Variants in PAX5 observed in about 807,000 individuals in gnomAD.
PAX5 encodes paired box 5.
Under a neutral mutation model 43.7 loss-of-function variants are expected in PAX5, and 9 were observed. The observed-to-expected ratio is 0.21, with a 90% CI of 0.12 to 0.36. PAX5 has a LOEUF of 0.36. Among genes scored for constraint, PAX5 ranks in the 10% least tolerant of loss-of-function variants. The pLI is 1.00. For missense variants in PAX5, 383 were observed against 532.7 expected (o/e 0.72, Z 2.77); for synonymous variants, 228 against 214.3 (o/e 1.06, Z -0.56).
chr9:36,991,033 C>A (rs1262686577), intron 5 of PAX5, among the ~76,000 whole-genome samples: 1 of 151,564 alleles, frequency 6.6e-6, no homozygotes, highest in Non-Finnish European at 1.5e-5. Context: ...GGCTTGAGCC[C>A]AGGAGGCAGA....
At chr9:36,855,836 C>T (rs951949676) in intron 8 of PAX5, among the ~76,000 whole-genome samples, 1 of 152,234 alleles carries the variant, frequency 6.6e-6, no homozygotes, top group African/African-American at 2.4e-5. Flanking sequence ...TCATCCCAAA[C>T]ACCACCTTCC....
intron 3 of PAX5, among the ~76,000 whole-genome samples, chr9:37,011,126 A>G (rs2132449124): frequency 6.8e-6 from 1 of 146,090 alleles, no homozygotes; most frequent in East Asian, 2.0e-4. Flanking sequence ...GTCTCAAAAA[A>G]ACAAAAAAAA....
At chr9:36,952,782 G>C (rs551038733) in intron 6 of PAX5, among the ~76,000 whole-genome samples, 52 of 151,968 alleles carry the variant, frequency 3.4e-4, no homozygotes, top group Non-Finnish European at 6.8e-4. Context: ...CTGTCCCTTA[G>C]GACATTGCTG....
chr9:36,977,157 C>T (rs1310676709), intron 5 of PAX5, among the ~76,000 whole-genome samples: 1 of 152,182 alleles, frequency 6.6e-6, no homozygotes, highest in Non-Finnish European at 1.5e-5. Context: ...TCAGAGCTCA[C>T]TCTGCGAGAC....
intron 1 of PAX5, among the ~76,000 whole-genome samples, chr9:37,023,906 T>C (rs1030152930): frequency 6.6e-6 from 1 of 152,184 alleles, no homozygotes; most frequent in Non-Finnish European, 1.5e-5. Flanking sequence ...GACATATACA[T>C]GGTTAGACTA....
chr9:36,963,973 G>A (rs1250862135), intron 6 of PAX5, among the ~76,000 whole-genome samples: 1 of 152,172 alleles, frequency 6.6e-6, no homozygotes, highest in African/African-American at 2.4e-5. Context: ...ACATGATCTT[G>A]TCAGCCATTA....
intron 7 of PAX5, among the ~76,000 whole-genome samples, chr9:36,920,809 T>C (rs7847355): frequency 1.9e-4 from 24 of 126,958 alleles, no homozygotes; most frequent in South Asian, 2.6e-4. Flanking sequence ...ATAGCTTTTT[T>C]TTTTTTTTTT....
chr9:36,942,874 C>G (rs1391559855), intron 6 of PAX5, among the ~76,000 whole-genome samples: 1 of 152,224 alleles, frequency 6.6e-6, no homozygotes, highest in Non-Finnish European at 1.5e-5. Context: ...CATGAAAGGG[C>G]AGGGCCTGGT....
chr9:36,939,285 C>A (rs1226448524), intron 6 of PAX5, among the ~76,000 whole-genome samples: 2 of 152,120 alleles, frequency 1.3e-5, no homozygotes, highest in Admixed American at 1.3e-4. Flanking sequence ...TGTGGGTGAT[C>A]CTCAGAGACC....
At chr9:36,926,468 A>C (rs1830646696) in intron 6 of PAX5, among the ~76,000 whole-genome samples, 1 of 152,242 alleles carries the variant, frequency 6.6e-6, no homozygotes, top group Non-Finnish European at 1.5e-5. Flanking sequence ...CATTCCATGC[A>C]GCAAGAGCTA....
intron 5 of PAX5, among the ~76,000 whole-genome samples, chr9:36,980,717 G>C (rs1260802580): frequency 1.3e-5 from 2 of 152,190 alleles, no homozygotes; most frequent in Non-Finnish European, 2.9e-5. Context: ...AGCCAGGACA[G>C]AGCTAACAGT....
At chr9:36,957,384 C>T (rs184139046) in intron 6 of PAX5, among the ~76,000 whole-genome samples, 3 of 152,292 alleles carry the variant, frequency 2.0e-5, no homozygotes, top group Admixed American at 1.3e-4. Context: ...GTTTTCAGAG[C>T]CCCTAGAAAC....
At chr9:37,006,194 T>C (rs1737101320) in intron 4 of PAX5, among the ~76,000 whole-genome samples, 1 of 135,570 alleles carries the variant, frequency 7.4e-6, no homozygotes, top group African/African-American at 2.8e-5. Flanking sequence ...TGACATTCTA[T>C]AGACCCCCAT....
chr9:37,033,748 A>C (rs550923066), intron 1 of PAX5, among the ~76,000 whole-genome samples: 1 of 152,346 alleles, frequency 6.6e-6, no homozygotes, highest in African/African-American at 2.4e-5. Context: ...AGACCCCCGG[A>C]AGGACGCCAG....
In PAX5 at chr9:36,956,400, T is replaced by C. The variant is rs116436760; in HGVS notation, c.780+10149A>G. ...GTAAACAAGTCAAAATAAAAATAAG[T>C]GATGGATTTCCCATTTGTTTTATCA... On this transcript the variant is annotated intron_variant, in intron 6 of 9. Transcript: ENST00000358127. 7.0e-3 allele frequency among the ~76,000 whole-genome samples: 1,060 copies of C among 152,272 alleles called. 9 individuals carry two copies. The highest frequency in any genetic ancestry group is 0.025 in the African/African-American group (1,039 of 41,550).
chr9:36,966,534 C>T lies in PAX5; in HGVS notation c.780+15G>A, dbSNP rs371713875. ...GGCGGTGGCAGGTGTGGTGGGCGTGCATCACGAGGCGTACCTGCTCGGGCT... is the reference window on the plus strand; with the variant it reads ...GGCGGTGGCAGGTGTGGTGGGCGTGTATCACGAGGCGTACCTGCTCGGGCT... On this transcript the variant is annotated intron_variant, in intron 6 of 9. Transcript: ENST00000358127. The T allele has an allele frequency of 3.7e-4, 594 of 1,606,142 alleles. 5 individuals carry two copies. In the South Asian group the frequency reaches 5.8e-3, roughly 16 times the overall value.
rs552384405 is a variant in PAX5 at position 36,938,567 on chromosome 9, C to T, written c.781-15083G>A. On this transcript the variant is annotated intron_variant, in intron 6 of 9. Transcript: ENST00000358127. ...TCACATCTCCCCATCCAACCGTCTCCACCTCCTCTGCCTGGTCCAACAAAA... is the reference window on the plus strand; with the variant it reads ...TCACATCTCCCCATCCAACCGTCTCTACCTCCTCTGCCTGGTCCAACAAAA... 3.3e-5 allele frequency among the ~76,000 whole-genome samples: 5 copies of T among 152,336 alleles called. No individual in the cohort carries two copies. The South Asian group carries it at 1.0e-3, about 32-fold the overall frequency.
chr9:36,859,060 A>G (rs1823939246), intron 8 of PAX5, among the ~76,000 whole-genome samples: 1 of 152,156 alleles, frequency 6.6e-6, no homozygotes. Flanking sequence ...AATTACTACC[A>G]GGACGCTCGG....
At position 36,836,531 on chromosome 9, in the gene PAX5, A is replaced by C. The variant is rs903746126; in HGVS notation, c.*4029T>G. The C allele has an allele frequency of 4.3e-6, 1 of 233,066 alleles. No homozygotes were observed. The highest frequency in any genetic ancestry group is 2.2e-5 in the African/African-American group (1 of 45,358). 14.4% of individuals were successfully genotyped at this position (233,066 alleles called of 1,614,324 possible). A position where few individuals can be genotyped will look rare whatever the true frequency, so the allele number is the denominator to read the frequency against. ...CCGACAGAAAATTTTACAAGTTTTC[A>C]TACTTGAATGCCACTCAGGGGGGCA... On this transcript the variant is annotated 3_prime_UTR_variant, in exon 10 of 10. Coordinates refer to ENST00000358127, the MANE Select transcript of PAX5 (RefSeq NM_016734.3).
Sources: allele counts gnomAD v4.1 joint callset (sites outside exome capture counted in the v4.1 genomes callset), GRCh38; gene constraint gnomAD v4.1.1; transcripts MANE v1.5; gene names NCBI Gene and HGNC (gene_info 2026-07-23, HGNC 2026-07-21).